The following KLHL4 variants were observed in gnomAD, a reference collection of about 807,000 sequenced individuals.
KLHL4 encodes kelch-like protein 4.
KLHL4 carries 17 observed loss-of-function variants against 45.8 expected under a neutral mutation model. That is an observed-to-expected ratio of 0.37 (90% CI 0.25 to 0.56). KLHL4 has a LOEUF of 0.56. Among genes scored for constraint, KLHL4 ranks in the 20% least tolerant of loss-of-function variants. KLHL4 has a pLI of 0.79. For missense variants in KLHL4, 544 were observed against 544.9 expected, an observed-to-expected ratio of 1.00 and a Z score of 0.02; for synonymous variants, 224 against 189.9, an observed-to-expected ratio of 1.18 and a Z score of -1.47.
chrX:87,588,044 C>A (rs749020376), intron 1 of KLHL4, among the ~76,000 whole-genome samples: 1 of 111,047 alleles, frequency 9.0e-6, no homozygotes, highest in Non-Finnish European at 1.9e-5. Flanking sequence ...AAAAGTTATC[C>A]CATTTACAAT....
intron 1 of KLHL4, among the ~76,000 whole-genome samples, chrX:87,591,235 T>C (rs1296019379): frequency 8.9e-6 from 1 of 112,001 alleles, no homozygotes; most frequent in Admixed American, 9.5e-5. Flanking sequence ...TTTCCCAACA[T>C]TAGTGATGTT....
intron 1 of KLHL4, among the ~76,000 whole-genome samples, chrX:87,590,037 TAA>T (rs151242094): frequency 7.5e-4 from 57 of 75,584 alleles, no homozygotes; most frequent in African/African-American, 7.0e-4. Flanking sequence ...AAACTCCTTC[TAA>T]AAAAAAAAAA....
In KLHL4 at chrX:87,614,522, G is replaced by A. The variant is rs1448293439; in HGVS notation, c.679G>A (p.Gly227Arg). 3 of 1,208,866 alleles carry A rather than the reference G, an allele frequency of 2.5e-6. No homozygotes were observed. The highest frequency in any genetic ancestry group is 3.4e-6 in the Non-Finnish European group (3 of 893,528). Residue 227 changes from glycine to arginine, a missense_variant, in exon 3 of 11, where the codon GGA (glycine) becomes AGA (arginine). Physicochemically the swap from Gly to Arg is moderately radical, Grantham distance 125. Transcript: ENST00000373119. ...CAAACAAGAAGAGGTCAGGATGGAA[G>A]GAGTAGATCCAAATGCACTAAATTC... Reference protein sequence around the residue: ...EAKQEEVRMEGVDPNALNSLV... With the variant: ...EAKQEEVRMERVDPNALNSLV...
intron 9 of KLHL4, among the ~76,000 whole-genome samples, chrX:87,646,012 A>G (rs1461585904): frequency 1.8e-5 from 2 of 111,082 alleles, no homozygotes; most frequent in African/African-American, 3.3e-5. Context: ...GAACTTACTC[A>G]TGTAACGAAA....
intron 9 of KLHL4, among the ~76,000 whole-genome samples, chrX:87,648,983 G>A (rs1923723705): frequency 9.0e-6 from 1 of 111,540 alleles, no homozygotes; most frequent in Non-Finnish European, 1.9e-5. Flanking sequence ...TCTACAGTTA[G>A]CATAAGCAAT....
At chrX:87,600,104 C>T (rs1921959500) in intron 1 of KLHL4, among the ~76,000 whole-genome samples, 1 of 111,226 alleles carries the variant, frequency 9.0e-6, no homozygotes, top group Non-Finnish European at 1.9e-5. Flanking sequence ...GTGTTTGGAT[C>T]GTGGGGGCAG....
chrX:87,631,250 G>GC (rs1923086526), intron 6 of KLHL4, among the ~76,000 whole-genome samples: 1 of 111,662 alleles, frequency 9.0e-6, no homozygotes, highest in African/African-American at 3.3e-5. Flanking sequence ...GGAAATGCCT[G>GC]CCCCCAAGGT....
intron 1 of KLHL4, among the ~76,000 whole-genome samples, chrX:87,529,978 T>C (rs1931212783): frequency 8.9e-6 from 1 of 111,848 alleles, no homozygotes; most frequent in Admixed American, 9.5e-5. Context: ...CAAAGAATTA[T>C]AGTAGCCAGC....
chrX:87,585,762 G>A (rs1226570787), intron 1 of KLHL4, among the ~76,000 whole-genome samples: 1 of 110,900 alleles, frequency 9.0e-6, no homozygotes, highest in Non-Finnish European at 1.9e-5. Context: ...GCAGGAGTAA[G>A]CCCTTACTCA....
At chrX:87,619,143 G>T (rs1015794939) in intron 4 of KLHL4, among the ~76,000 whole-genome samples, 1 of 111,162 alleles carries the variant, frequency 9.0e-6, no homozygotes, top group Non-Finnish European at 1.9e-5. Flanking sequence ...ATATTTCAAA[G>T]AATGAAATTG....
intron 1 of KLHL4, among the ~76,000 whole-genome samples, chrX:87,602,645 C>T (rs757235678): frequency 1.1e-4 from 12 of 111,440 alleles, no homozygotes; most frequent in African/African-American, 3.6e-4. Flanking sequence ...TAAATACATT[C>T]TATGATGTTT....
chrX:87,590,501 T>C (rs6521947), intron 1 of KLHL4, among the ~76,000 whole-genome samples: 3,482 of 111,615 alleles, frequency 0.031, 128 homozygotes, highest in African/African-American at 0.11. Context: ...CTTAAATTTA[T>C]GAGGGACTAC....
At chrX:87,565,624 G>T (rs1282003378) in intron 1 of KLHL4, among the ~76,000 whole-genome samples, 1 of 101,636 alleles carries the variant, frequency 9.8e-6, no homozygotes, top group Non-Finnish European at 2.0e-5. Context: ...TACTCTGGAG[G>T]CTGAGGCACA....
At chrX:87,666,142 A>T (rs1924362106) in intron 10 of KLHL4, among the ~76,000 whole-genome samples, 1 of 111,743 alleles carries the variant, frequency 8.9e-6, no homozygotes, top group African/African-American at 3.2e-5. Context: ...ATAACTACTA[A>T]GTGCAAATTG....
Position 87,594,881 on chromosome X carries a change from G to C in KLHL4, c.423-18996G>C, listed in dbSNP as rs143638248. ...TAAAGAAATTGCCAGTAGTTTTCTAGGAATATCTGGGACTAAATGTTTTTC... is the reference window on the plus strand; with the variant it reads ...TAAAGAAATTGCCAGTAGTTTTCTACGAATATCTGGGACTAAATGTTTTTC... On this transcript the variant is annotated intron_variant, in intron 1 of 10. Coordinates refer to ENST00000373119, the MANE Select transcript of KLHL4 (RefSeq NM_019117.5). Among the ~76,000 whole-genome samples the C allele has an allele frequency of 1.8e-3, 201 of 111,223 alleles. 1 individual carries two copies. The highest frequency in any genetic ancestry group is 6.5e-3 in the African/African-American group (199 of 30,628).
chrX:87,530,033 G>C (rs921991501), intron 1 of KLHL4, among the ~76,000 whole-genome samples: 9 of 111,391 alleles, frequency 8.1e-5, no homozygotes, highest in African/African-American at 2.6e-4. Context: ...CCCTTTGTCA[G>C]ATGAGTAGGT....
intron 1 of KLHL4, among the ~76,000 whole-genome samples, chrX:87,523,494 A>G (rs956354244): frequency 5.4e-5 from 6 of 111,740 alleles, no homozygotes; most frequent in Non-Finnish European, 9.4e-5. Flanking sequence ...AGTGCTAGAA[A>G]ATAAGTATTC....
chrX:87,625,855 T>C, intron 6 of KLHL4, 59 bp downstream of exon 6: 1 of 927,995 alleles, frequency 1.1e-6, no homozygotes, highest in South Asian at 2.5e-5. Context: ...AGCCTCCAAA[T>C]TATAAGGGTG....
chrX:87,535,655 T>A (rs1250678198), intron 1 of KLHL4, among the ~76,000 whole-genome samples: 2 of 110,915 alleles, frequency 1.8e-5, no homozygotes, highest in African/African-American at 6.6e-5. Context: ...TCATCCGGTC[T>A]TTCAGCTTCT....
Sources: gnomAD v4.1 joint callset for allele counts (sites outside exome capture counted in the v4.1 genomes callset) on GRCh38, gnomAD v4.1.1 for gene constraint, MANE v1.5 for transcripts, NCBI Gene and HGNC (gene_info 2026-07-23, HGNC 2026-07-21) for gene names.